The following CCDC174 variants were observed in gnomAD, a reference collection of about 807,000 sequenced individuals.
CCDC174 encodes coiled-coil domain-containing protein 174.
In CCDC174, 37 loss-of-function variants were observed where a neutral mutation model predicts 57.1. The ratio of observed to expected loss-of-function variants is 0.65; its 90% CI spans 0.50 to 0.85. The LOEUF (loss-of-function observed/expected upper bound fraction) is 0.85. Among genes scored for constraint, CCDC174 ranks in the 40% least tolerant of loss-of-function variants. The pLI is 0.00. For synonymous variants in CCDC174, 182 were observed against 190.2 expected (o/e 0.96, Z 0.35); for missense variants, 540 against 574.3 (o/e 0.94, Z 0.61).
rs1288100801 is a variant in CCDC174 at position 14,666,965 on chromosome 3, C to T, written c.724+18C>T. On this transcript the variant is annotated intron_variant, in intron 7 of 10. Coordinates refer to ENST00000383794, the MANE Select transcript of CCDC174 (RefSeq NM_016474.5). ...GGAAAATGGTATGACTATTTTCTTG[C>T]AGCTTTGCAAATCTTATTTTTAACC... The T allele has an allele frequency of 3.8e-6, 6 of 1,565,174 alleles. No homozygotes were observed. The highest frequency in any genetic ancestry group is 1.7e-4 in the Middle Eastern group (1 of 5,826).
intron 8 of CCDC174, 65 bp from the exon 9 acceptor site, chr3:14,667,984 A>G (rs1575073451): frequency 1.3e-6 from 2 of 1,499,426 alleles, no homozygotes; most frequent in East Asian, 2.3e-5. Flanking sequence ...AGAAAATTTC[A>G]TCTTTTTGGA....
chr3:14,665,973 G>A (rs893262341), intron 6 of CCDC174, among the ~76,000 whole-genome samples: 4 of 146,696 alleles, frequency 2.7e-5, no homozygotes, highest in African/African-American at 1.0e-4. Flanking sequence ...AGGAGGCAGA[G>A]CCTGCAGTGA....
At chr3:14,670,407 T>G (rs1240687482) in intron 10 of CCDC174, among the ~76,000 whole-genome samples, 3 of 152,222 alleles carry the variant, frequency 2.0e-5, no homozygotes, top group Non-Finnish European at 2.9e-5. Flanking sequence ...CAGCAGCCTC[T>G]CTGGAAGACT....
Position 14,671,889 on chromosome 3 carries a change from G to A in CCDC174, c.*695G>A, listed in dbSNP as rs1024123760. ...GCTGGACCTGGTCAGAGACTGATGTGCCTTAGCGGCAATGGTTAGAGCTTT... is the reference window on the plus strand; with the variant it reads ...GCTGGACCTGGTCAGAGACTGATGTACCTTAGCGGCAATGGTTAGAGCTTT... On this transcript the variant is annotated 3_prime_UTR_variant, in exon 11 of 11. Coordinates refer to ENST00000383794, the MANE Select transcript of CCDC174 (RefSeq NM_016474.5). 1 of 152,408 alleles carries A rather than the reference G, an allele frequency of 6.6e-6. No homozygotes were observed. Among genetic ancestry groups the A allele is most frequent in the African/African-American group, 2.4e-5 (1 of 41,464 alleles). The allele number at this position is 152,408 out of a possible 1,614,324, so 9.4% of individuals were successfully genotyped here.
At chr3:14,667,583 C>G (rs1331302046) in intron 8 of CCDC174, 65 bp downstream of exon 8, 3 of 1,203,502 alleles carry the variant, frequency 2.5e-6, no homozygotes, top group Non-Finnish European at 3.7e-6. Flanking sequence ...CTGGACCATA[C>G]TGCAGAAAAA....
intron 4 of CCDC174, among the ~76,000 whole-genome samples, chr3:14,660,235 G>T (rs1275828307): frequency 6.6e-6 from 1 of 152,254 alleles, no homozygotes; most frequent in Non-Finnish European, 1.5e-5. Context: ...GCTAGGCGTG[G>T]TGGCTCATGC....
Position 14,655,614 on chromosome 3 carries a change from CTT to C in CCDC174, c.235_236del (p.Leu79ArgfsTer15). The C allele has an allele frequency of 6.2e-7, 1 of 1,606,648 alleles. No individual in the cohort carries two copies. The highest frequency in any genetic ancestry group is 8.5e-7 in the Non-Finnish European group (1 of 1,175,362). On this transcript the variant is annotated frameshift_variant, in exon 3 of 11. Coordinates refer to ENST00000383794, the MANE Select transcript of CCDC174 (RefSeq NM_016474.5). LOFTEE classifies it high-confidence loss of function. ...GAACAGAAGATTGAAGAACAGAAGA[CTT>C]TAGACAAAGCAAGGTAAAGTTATAA...
chr3:14,662,627 C>T (rs752551239), intron 5 of CCDC174, among the ~76,000 whole-genome samples: 2 of 152,222 alleles, frequency 1.3e-5, no homozygotes, highest in Non-Finnish European at 2.9e-5. Flanking sequence ...GATGCTCTGA[C>T]AATTTCCTGG....
At chr3:14,652,186 CA>C (rs2030793025) in intron 1 of CCDC174, among the ~76,000 whole-genome samples, 1 of 152,190 alleles carries the variant, frequency 6.6e-6, no homozygotes, top group Admixed American at 6.5e-5. Context: ...CAAGGACCTG[CA>C]CCTCGTCAGC....
chr3:14,663,177 T>C (rs1452174516), intron 5 of CCDC174, among the ~76,000 whole-genome samples: 1 of 151,986 alleles, frequency 6.6e-6, no homozygotes, highest in African/African-American at 2.4e-5. Context: ...CCTCAGTTTT[T>C]AATTTTTTTT....
chr3:14,670,199 A>G (rs1017337642), intron 10 of CCDC174, 113 bp downstream of exon 10: 21 of 1,069,038 alleles, frequency 2.0e-5, no homozygotes, highest in Admixed American at 3.1e-5. Context: ...GTGGTTTTAC[A>G]GCTTTGGAAT....
At chr3:14,663,290 A>G (rs2031213477) in intron 5 of CCDC174, among the ~76,000 whole-genome samples, 1 of 152,194 alleles carries the variant, frequency 6.6e-6, no homozygotes, top group African/African-American at 2.4e-5. Flanking sequence ...TACAGGCGTG[A>G]GCCACCACGC....
In CCDC174 at chr3:14,666,922, A is replaced by G; in HGVS notation, c.699A>G (p.Val233=). ...REALKRPMGP[V]HYEDIRENEA... is the part of the protein sequence containing the mutation. Reference sequence around the variant, plus strand: ...CCCTGAAGAGGCCCATGGGGCCCGTACATTATGAAGACATTCGGGAAAATG... The same window carrying G: ...CCCTGAAGAGGCCCATGGGGCCCGTGCATTATGAAGACATTCGGGAAAATG... Residue 233 remains valine, a synonymous_variant, in exon 7 of 11, where the codon GTA becomes GTG. Transcript: ENST00000383794. 1.9e-6 allele frequency: 3 copies of G among 1,589,880 alleles called. No individual in the cohort carries two copies. The highest frequency in any genetic ancestry group is 2.6e-6 in the Non-Finnish European group (3 of 1,173,542).
chr3:14,665,261 T>G, intron 6 of CCDC174, 138 bp downstream of exon 6: 1 of 679,616 alleles, frequency 1.5e-6, no homozygotes. Context: ...ATTGATTGAT[T>G]GAAGCACTTT....
chr3:14,656,331 A>G (rs1318754332), intron 3 of CCDC174, among the ~76,000 whole-genome samples: 1 of 152,182 alleles, frequency 6.6e-6, no homozygotes, highest in Non-Finnish European at 1.5e-5. Flanking sequence ...TAGTTGTCAA[A>G]TCTGTTTAGT....
At chr3:14,669,430 G>A (rs1242746541) in intron 9 of CCDC174, among the ~76,000 whole-genome samples, 1 of 152,190 alleles carries the variant, frequency 6.6e-6, no homozygotes, top group Non-Finnish European at 1.5e-5. Flanking sequence ...CGCCACCACA[G>A]TGTTTTTTAA....
intron 3 of CCDC174, among the ~76,000 whole-genome samples, chr3:14,657,398 T>C (rs2030992942): frequency 6.6e-6 from 1 of 152,240 alleles, no homozygotes; most frequent in Non-Finnish European, 1.5e-5. Flanking sequence ...TTAAAGGAGA[T>C]AAATAGTGTC....
intron 9 of CCDC174, among the ~76,000 whole-genome samples, chr3:14,669,344 C>G (rs116778526): frequency 0.015 from 2,231 of 152,324 alleles, 57 homozygotes; most frequent in African/African-American, 0.05. Context: ...CGCTCTATAA[C>G]ATGTTAAGCT....
At chr3:14,658,015 G>A (rs536834426) in intron 3 of CCDC174, among the ~76,000 whole-genome samples, 29 of 152,230 alleles carry the variant, frequency 1.9e-4, no homozygotes, top group Non-Finnish European at 3.7e-4. Flanking sequence ...CAAAATAGGG[G>A]TCTTAGAAGC....
Sources: allele counts gnomAD v4.1 joint callset (sites outside exome capture counted in the v4.1 genomes callset), GRCh38; gene constraint gnomAD v4.1.1; transcripts MANE v1.5; gene names NCBI Gene and HGNC (gene_info 2026-07-23, HGNC 2026-07-21).